Variants in EDAR observed in about 807,000 individuals in gnomAD.
EDAR encodes the protein ectodysplasin A receptor, also known as tumor necrosis factor receptor superfamily member EDAR.
In EDAR, 38 loss-of-function variants were observed where a neutral mutation model predicts 51.3. That is an observed-to-expected ratio of 0.74 (90% CI 0.57 to 0.97). The LOEUF is 0.97. EDAR is among the 50% of genes least tolerant of loss of function. EDAR has a pLI of 0.00. For synonymous variants in EDAR, 227 were observed against 242.1 expected, an observed-to-expected ratio of 0.94 and a Z score of 0.58; for missense variants, 528 against 595.0, an observed-to-expected ratio of 0.89 and a Z score of 1.17.
At chr2:108,899,498 T>G (rs1696661119) in intron 11 of EDAR, among the ~76,000 whole-genome samples, 1 of 151,198 alleles carries the variant, frequency 6.6e-6, no homozygotes, top group African/African-American at 2.4e-5. Flanking sequence ...AAGAACATAG[T>G]GAGCAAAAAT....
intron 1 of EDAR, among the ~76,000 whole-genome samples, chr2:108,947,406 C>T (rs1176799574): frequency 3.3e-5 from 5 of 152,194 alleles, no homozygotes; most frequent in African/African-American, 1.2e-4. Flanking sequence ...CGTCTCACAG[C>T]TCCACTAGGC....
chr2:108,952,269 G>T (rs1697840319), intron 1 of EDAR, among the ~76,000 whole-genome samples: 1 of 152,154 alleles, frequency 6.6e-6, no homozygotes, highest in Admixed American at 6.5e-5. Context: ...TTAAATAATG[G>T]GTTCATGTGA....
chr2:108,946,968 A>T (rs1697725985), intron 1 of EDAR, among the ~76,000 whole-genome samples: 1 of 152,126 alleles, frequency 6.6e-6, no homozygotes, highest in African/African-American at 2.4e-5. Flanking sequence ...TCCAGCATTA[A>T]CCCAAAAGTC....
intron 11 of EDAR, among the ~76,000 whole-genome samples, chr2:108,906,003 T>C (rs992878281): frequency 6.8e-6 from 1 of 145,990 alleles, no homozygotes; most frequent in African/African-American, 2.8e-5. Context: ...ACACGGGAGG[T>C]CTGAGGCTCC....
At chr2:108,986,214 A>T (rs1420596895) in intron 1 of EDAR, among the ~76,000 whole-genome samples, 1 of 152,122 alleles carries the variant, frequency 6.6e-6, no homozygotes, top group Non-Finnish European at 1.5e-5. Flanking sequence ...ACAATGGCCT[A>T]TATTTGACAG....
Position 108,897,068 on chromosome 2 carries a change from G to C in EDAR, c.1186C>G (p.Gln396Glu). The change falls in exon 12 of 12, where the codon CAA (glutamine) becomes GAA (glutamate). Residue 396 changes from glutamine (Q) to glutamate (E), a missense_variant. Gln to Glu is a conservative substitution (Grantham distance 29, BLOSUM62 2). Transcript: ENST00000258443. ...DEIGGMTDGMQLFDRISTAGY... is the reference protein window; with the variant it reads ...DEIGGMTDGMELFDRISTAGY... ...GCCGTGCTGATGCGGTCAAAGAGTT[G>C]CATGCCGTCTGTCATGCCCCCAATC... The C allele has an allele frequency of 6.2e-7, 1 of 1,614,206 alleles. No individual in the cohort carries two copies.
chr2:108,956,634 G>A (rs184956369), intron 1 of EDAR, among the ~76,000 whole-genome samples: 2 of 152,320 alleles, frequency 1.3e-5, no homozygotes, highest in Non-Finnish European at 2.9e-5. Context: ...ATTATGGGCA[G>A]TTCCTTCCAT....
In EDAR at chr2:108,907,845, C is replaced by T. The variant is rs1156522571; in HGVS notation, c.963+15G>A. ...CACATCTCACAGCTCATCATGGCACCTGCAGGAGCCTCACCCCGGCTGACT... is the reference window on the plus strand; with the variant it reads ...CACATCTCACAGCTCATCATGGCACTTGCAGGAGCCTCACCCCGGCTGACT... On this transcript the variant is annotated intron_variant, in intron 10 of 11. Coordinates refer to ENST00000258443, the MANE Select transcript of EDAR (RefSeq NM_022336.4). The T allele has an allele frequency of 6.2e-7, 1 of 1,613,318 alleles. No individual in the cohort carries two copies. Among genetic ancestry groups the T allele is most frequent in the East Asian group, 2.2e-5 (1 of 44,872 alleles).
chr2:108,962,674 CA>C (rs66741499), intron 1 of EDAR, among the ~76,000 whole-genome samples: 49,759 of 66,178 alleles, frequency 0.75, 19,328 homozygotes, highest in Middle Eastern at 0.87. Flanking sequence ...GACTCTGTCT[CA>C]AAAAAAAAAA....
chr2:108,952,502 T>C (rs260702), intron 1 of EDAR, among the ~76,000 whole-genome samples: 44,999 of 152,174 alleles, frequency 0.3, 10,568 homozygotes, highest in East Asian at 0.94. Flanking sequence ...CAATACATTG[T>C]AAAGCCCTTC....
intron 5 of EDAR, among the ~76,000 whole-genome samples, chr2:108,921,717 G>A (rs537282060): frequency 6.6e-6 from 1 of 152,308 alleles, no homozygotes; most frequent in East Asian, 1.9e-4. Context: ...CAGGGGTGGA[G>A]GGCATCACTC....
At position 108,896,343 on chromosome 2, in the gene EDAR, T is replaced by C. The variant is rs1696590726; in HGVS notation, c.*564A>G. 1.3e-5 allele frequency: 2 copies of C among 154,240 alleles called. No homozygotes were observed. The highest frequency in any genetic ancestry group is 4.8e-5 in the African/African-American group (2 of 41,464). The allele number at this position is 154,240 out of a possible 1,614,324, so 9.6% of individuals were successfully genotyped here. A position where few individuals can be genotyped will look rare whatever the true frequency, so the allele number is the denominator to read the frequency against. ...CCTGGAGCAGGGTGTCTGCATTTTG[T>C]TGCCATTTTATCAAAATGTTTGAGC... On this transcript the variant is annotated 3_prime_UTR_variant, in exon 12 of 12. Transcript: ENST00000258443.
At chr2:108,947,350 G>A (rs916397624) in intron 1 of EDAR, among the ~76,000 whole-genome samples, 5 of 152,194 alleles carry the variant, frequency 3.3e-5, no homozygotes, top group Non-Finnish European at 5.9e-5. Flanking sequence ...CATGGTGCAA[G>A]CTGTCGGTGG....
In EDAR at chr2:108,915,915, T is replaced by C. The variant is rs541949436; in HGVS notation, c.443-3151A>G. Among the ~76,000 whole-genome samples the C allele has an allele frequency of 2.8e-4, 42 of 151,428 alleles. 1 individual carries two copies. The highest frequency in any genetic ancestry group is 9.2e-4 in the African/African-American group (38 of 41,332). On this transcript the variant is annotated intron_variant, in intron 5 of 11. Transcript: ENST00000258443. ...TCCATCTCAAAAAAAAAATAAAAAA[T>C]AAATAAAAATAAAAAAAGAGCTGGT...
chr2:108,959,374 G>A (rs988972922), intron 1 of EDAR, among the ~76,000 whole-genome samples: 1 of 152,236 alleles, frequency 6.6e-6, no homozygotes, highest in African/African-American at 2.4e-5. Context: ...AGAGAAATCA[G>A]AGCTCCCCAG....
At chr2:108,938,446 G>A (rs1558820451) in intron 1 of EDAR, among the ~76,000 whole-genome samples, 1 of 152,232 alleles carries the variant, frequency 6.6e-6, no homozygotes, top group African/African-American at 2.4e-5. Flanking sequence ...ATTTCCCGCA[G>A]TTTGTGGTGC....
chr2:108,913,185 G>A (rs2105407046), intron 5 of EDAR, among the ~76,000 whole-genome samples: 1 of 152,202 alleles, frequency 6.6e-6, no homozygotes, highest in Admixed American at 6.5e-5. Context: ...TCCTGACCTT[G>A]TGATCTGCCC....
chr2:108,970,666 G>T (rs2104438993), intron 1 of EDAR, among the ~76,000 whole-genome samples: 1 of 152,294 alleles, frequency 6.6e-6, no homozygotes, highest in Non-Finnish European at 1.5e-5. Context: ...GGGATGGGAA[G>T]AGGGCCCTTT....
At chr2:108,951,395 T>A (rs1301849624) in intron 1 of EDAR, among the ~76,000 whole-genome samples, 1 of 152,212 alleles carries the variant, frequency 6.6e-6, no homozygotes. Flanking sequence ...TCCAAGGTCA[T>A]ACAGGAATTC....
Sources: allele counts gnomAD v4.1 joint callset (sites outside exome capture counted in the v4.1 genomes callset), GRCh38; gene constraint gnomAD v4.1.1; transcripts MANE v1.5; gene names NCBI Gene and HGNC (gene_info 2026-07-23, HGNC 2026-07-21).